PRSS3: variants seen among roughly 807,000 people sequenced by gnomAD.
The protein encoded by PRSS3 is serine protease 3, also known as trypsin-3.
In PRSS3, 14 loss-of-function variants were observed where a neutral mutation model predicts 20.8. That is an observed-to-expected ratio of 0.67 (90% CI 0.44 to 1.05). The LOEUF (loss-of-function observed/expected upper bound fraction) is 1.05, where lower values mean the gene tolerates loss of function less well. Among genes scored for constraint, PRSS3 ranks in the 50% least tolerant of loss-of-function variants. The pLI is 0.00. For synonymous variants in PRSS3, 91 were observed against 117.6 expected (o/e 0.77, Z 1.46); for missense variants, 237 against 306.4 (o/e 0.77, Z 1.69).
chr9:33,786,474 T>C, intron 1 of PRSS3: 4 of 725,420 alleles, frequency 5.5e-6, no homozygotes, highest in Middle Eastern at 2.4e-4. Context: ...AAGCAGAGAC[T>C]TTCCCGTCTG....
In PRSS3 at chr9:33,786,614, G is replaced by A. The variant is rs1226752039; in HGVS notation, c.-52-8132G>A. On this transcript the variant is annotated intron_variant, in intron 1 of 5. Coordinates refer to the PRSS3 transcript ENST00000342836. ...CTCCATGATGATCCAGTGTCAAGTCGACAGCCAAGTCACCATGATGTTCTG... is the reference window on the plus strand; with the variant it reads ...CTCCATGATGATCCAGTGTCAAGTCAACAGCCAAGTCACCATGATGTTCTG... 1.2e-5 allele frequency: 9 copies of A among 766,204 alleles called. No homozygotes were observed. The African/African-American group carries it at 1.5e-4, about 13-fold the overall frequency. 47.5% of individuals were successfully genotyped at this position (766,204 alleles called of 1,614,324 possible). A position where few individuals can be genotyped will look rare whatever the true frequency, so the allele number is the denominator to read the frequency against.
At chr9:33,767,945 C>T (rs1326017026) in intron 1 of PRSS3, among the ~76,000 whole-genome samples, 5 of 152,228 alleles carry the variant, frequency 3.3e-5, no homozygotes, top group East Asian at 3.8e-4. Flanking sequence ...ATTCTGCCAA[C>T]GCATTGGTCT....
chr9:33,774,225 C>A (rs1378293551), intron 1 of PRSS3, among the ~76,000 whole-genome samples: 1 of 152,148 alleles, frequency 6.6e-6, no homozygotes, highest in Non-Finnish European at 1.5e-5. Context: ...GTGACTCATC[C>A]TCCATCTCCT....
At chr9:33,762,183 T>C (rs927660848) in intron 1 of PRSS3, 4 of 152,184 alleles carry the variant, frequency 2.6e-5, no homozygotes, top group South Asian at 2.1e-4. Context: ...TTCTTTTTCA[T>C]AGTAATTGTG....
intron 1 of PRSS3, among the ~76,000 whole-genome samples, chr9:33,775,256 A>AC (rs1367247803): frequency 1.3e-5 from 2 of 152,106 alleles, no homozygotes; most frequent in Non-Finnish European, 1.5e-5. Flanking sequence ...TGCTCCCGTC[A>AC]CCCCCCAGCT....
At chr9:33,796,493 G>T in intron 1 of PRSS3, 150 bp from the exon 2 acceptor site, 2 of 1,272,016 alleles carry the variant, frequency 1.6e-6, no homozygotes, top group South Asian at 1.4e-5. Context: ...CACATCCAGT[G>T]ATGCTCACCA....
chr9:33,775,701 T>TTG (rs1823891203), intron 1 of PRSS3, among the ~76,000 whole-genome samples: 1 of 70,328 alleles, frequency 1.4e-5, no homozygotes, highest in African/African-American at 4.9e-5. Flanking sequence ...GGGCTTGAAG[T>TTG]TTTTTTTTTT....
At chr9:33,757,474 C>CTT (rs35876237) in intron 1 of PRSS3, among the ~76,000 whole-genome samples, 1 of 145,374 alleles carries the variant, frequency 6.9e-6, no homozygotes, top group South Asian at 2.2e-4. Context: ...GCAGATTCAT[C>CTT]TTTTTTTTTT....
intron 1 of PRSS3, among the ~76,000 whole-genome samples, chr9:33,768,403 C>G (rs1464907190): frequency 6.6e-6 from 1 of 151,704 alleles, no homozygotes; most frequent in Non-Finnish European, 1.5e-5. Flanking sequence ...TTGCTTGAAC[C>G]TGAGAGGCAG....
intron 1 of PRSS3, among the ~76,000 whole-genome samples, chr9:33,775,369 T>C (rs10733471): frequency 0.46 from 70,622 of 151,942 alleles, 16,786 homozygotes; most frequent in East Asian, 0.58. Context: ...GGGTTGAAAA[T>C]CCTTGGCTTT....
At chr9:33,798,932 G>C in intron 4 of PRSS3, 96 bp from the exon 5 acceptor site, 2 of 1,480,256 alleles carry the variant, frequency 1.4e-6, no homozygotes, top group Non-Finnish European at 1.9e-6. Context: ...GAGCCACAGA[G>C]CTGGCTGGAA....
intron 1 of PRSS3, 116 bp from the exon 2 acceptor site, chr9:33,796,527 G>C (rs1824949618): frequency 2.1e-6 from 3 of 1,436,594 alleles, no homozygotes; most frequent in Non-Finnish European, 2.9e-6. Flanking sequence ...TCCCTCCCTT[G>C]CCTGGCCTCA....
rs1825108256 is a variant in PRSS3, at chr9:33,798,135, A to G, written c.454+53A>G. The G allele has an allele frequency of 2.5e-6, 4 of 1,612,664 alleles. No homozygotes were observed. In the East Asian group the frequency reaches 8.9e-5, roughly 36 times the overall value. ...TCCCCCCATCCTCACAATTTCCAGAACGAAGCATGCCCCTTTATTTGAATC... is the reference window on the plus strand; with the variant it reads ...TCCCCCCATCCTCACAATTTCCAGAGCGAAGCATGCCCCTTTATTTGAATC... On this transcript the variant is annotated intron_variant, in intron 3 of 4. Transcript: ENST00000379405.
intron 1 of PRSS3, among the ~76,000 whole-genome samples, chr9:33,769,585 C>A (rs140595523): frequency 6.6e-6 from 1 of 152,212 alleles, no homozygotes; most frequent in Admixed American, 6.5e-5. Context: ...GCCAGTACAG[C>A]GATATGGCTA....
chr9:33,798,689 G>T, intron 4 of PRSS3, 67 bp downstream of exon 4: 1 of 1,610,690 alleles, frequency 6.2e-7, no homozygotes, highest in Non-Finnish European at 8.5e-7. Context: ...AAAAAGATTT[G>T]AACTCCCAAG....
intron 1 of PRSS3, among the ~76,000 whole-genome samples, chr9:33,780,238 C>T (rs570749214): frequency 4.9e-4 from 74 of 152,212 alleles, no homozygotes; most frequent in African/African-American, 1.2e-3. Context: ...AAAACTTATA[C>T]GCCAGAAGAG....
In PRSS3 at chr9:33,750,999, C is replaced by G. The variant is rs376291247; in HGVS notation, c.-53+272C>G. 84 of 651,376 alleles carry G rather than the reference C, an allele frequency of 1.3e-4. No individual in the cohort carries two copies. The highest frequency in any genetic ancestry group is 1.1e-3 in the East Asian group (31 of 29,268). The allele number at this position is 651,376 out of a possible 1,614,324, so 40.3% of individuals were successfully genotyped here. ...CTCCGGGCTGCGGCACCGATGCGCA[C>G]ACTACTCCCACCGCCCCCGAGTGCC... On this transcript the variant is annotated intron_variant, in intron 1 of 5. Coordinates refer to the PRSS3 transcript ENST00000342836. The surrounding 1 kb of genome is among the most constrained non-coding windows in gnomAD (Gnocchi z 4.8).
At chr9:33,783,339 T>C (rs2119006321) in intron 1 of PRSS3, among the ~76,000 whole-genome samples, 1 of 152,338 alleles carries the variant, frequency 6.6e-6, no homozygotes, top group Non-Finnish European at 1.5e-5. Context: ...TGGTGCTGCA[T>C]GCAAATTTTA....
At chr9:33,764,947 A>C (rs1291281209) in intron 1 of PRSS3, among the ~76,000 whole-genome samples, 1 of 152,188 alleles carries the variant, frequency 6.6e-6, no homozygotes, top group Non-Finnish European at 1.5e-5. Flanking sequence ...AAACAACAAA[A>C]TACCACTTCA....
Sources: allele counts gnomAD v4.1 joint callset (sites outside exome capture counted in the v4.1 genomes callset), GRCh38; gene constraint gnomAD v4.1.1; non-coding constraint Gnocchi (gnomAD v3.1); transcripts MANE v1.5; gene names NCBI Gene and HGNC (gene_info 2026-07-23, HGNC 2026-07-21).